Variants in LPP observed in about 807,000 individuals in gnomAD.
LPP encodes lipoma-preferred partner.
Under a neutral mutation model 60.4 loss-of-function variants are expected in LPP, and 38 were observed. The ratio of observed to expected loss-of-function variants is 0.63; its 90% confidence interval spans 0.49 to 0.83. The LOEUF (loss-of-function observed/expected upper bound fraction) is 0.83. Ranked by LOEUF, LPP falls within the 40% of genes least tolerant of loss-of-function variation. The pLI is 0.00. For synonymous variants in LPP, 328 were observed against 290.8 expected, an observed-to-expected ratio of 1.13 and a Z score of -1.30; for missense variants, 902 against 783.6, an observed-to-expected ratio of 1.15 and a Z score of -1.80.
At chr3:188,685,562 C>T (rs1366619466) in intron 7 of LPP, among the ~76,000 whole-genome samples, 6 of 152,142 alleles carry the variant, frequency 3.9e-5, no homozygotes, top group South Asian at 2.1e-4. Context: ...TAGGCAATTA[C>T]GGGTCCGGGA....
chr3:188,298,939 T>C (rs996404748), intron 2 of LPP, among the ~76,000 whole-genome samples: 4 of 152,170 alleles, frequency 2.6e-5, no homozygotes, highest in Non-Finnish European at 5.9e-5. Context: ...TCTATAGGCT[T>C]CAGCCTTTTT....
rs546953080 is a variant in LPP at position 188,884,148 on chromosome 3, G to A, written c.*9669G>A. ...AAACTGCTTCCACACAGAAAATAGCGCAGGGAGGACAGTTATTAGTACCCC... is the reference window on the plus strand; with the variant it reads ...AAACTGCTTCCACACAGAAAATAGCACAGGGAGGACAGTTATTAGTACCCC... On this transcript the variant is annotated 3_prime_UTR_variant, in exon 12 of 12. Coordinates refer to ENST00000617246, the MANE Select transcript of LPP (RefSeq NM_001375462.1). The A allele has an allele frequency of 1.8e-5, 4 of 225,300 alleles. No individual in the cohort carries two copies. Among genetic ancestry groups the A allele is most frequent in the Admixed American group, 5.7e-5 (1 of 17,502 alleles). 14.0% of individuals were successfully genotyped at this position (225,300 alleles called of 1,614,324 possible).
chr3:188,228,586 C>T (rs1718679594), intron 2 of LPP, among the ~76,000 whole-genome samples: 1 of 152,104 alleles, frequency 6.6e-6, no homozygotes, highest in Admixed American at 6.5e-5. Flanking sequence ...GATTTTGAGA[C>T]CAGCCTGGGC....
At chr3:188,775,890 G>A (rs1295307970) in intron 9 of LPP, among the ~76,000 whole-genome samples, 1 of 152,196 alleles carries the variant, frequency 6.6e-6, no homozygotes, top group African/African-American at 2.4e-5. Flanking sequence ...CCTATAAAGG[G>A]GAATTTAGGA....
intron 6 of LPP, among the ~76,000 whole-genome samples, chr3:188,549,608 C>T (rs931738449): frequency 6.6e-6 from 1 of 152,128 alleles, no homozygotes; most frequent in Non-Finnish European, 1.5e-5. Context: ...TAGCATTGTG[C>T]TTTATCTCCT....
chr3:188,439,063 C>T (rs1452541658), intron 4 of LPP, among the ~76,000 whole-genome samples: 2 of 152,176 alleles, frequency 1.3e-5, no homozygotes, highest in East Asian at 3.9e-4. Context: ...ATTGTTAAAA[C>T]ATGCAGGTAC....
intron 6 of LPP, among the ~76,000 whole-genome samples, chr3:188,605,533 G>A (rs1205595486): frequency 5.9e-5 from 9 of 152,086 alleles, no homozygotes; most frequent in Non-Finnish European, 1.2e-4. Flanking sequence ...TTGAGGATTT[G>A]GGCTTAGTAT....
At chr3:188,836,672 CAT>C (rs1758532981) in intron 9 of LPP, among the ~76,000 whole-genome samples, 1 of 152,172 alleles carries the variant, frequency 6.6e-6, no homozygotes, top group South Asian at 2.1e-4. Flanking sequence ...TTAATTGGTA[CAT>C]GTTTCTTATC....
intron 9 of LPP, among the ~76,000 whole-genome samples, chr3:188,854,132 C>G (rs754191880): frequency 2.6e-5 from 4 of 152,158 alleles, no homozygotes; most frequent in Non-Finnish European, 5.9e-5. Context: ...AGTCCACCAC[C>G]CTTTTGCAAC....
chr3:188,389,117 GTGTA>G (rs1779065718), intron 3 of LPP, among the ~76,000 whole-genome samples: 3 of 152,032 alleles, frequency 2.0e-5, no homozygotes, highest in African/African-American at 7.3e-5. Context: ...AGTTGTGTGT[GTGTA>G]TGTATGTGTG....
rs115758421 is a variant in LPP at position 188,534,528 on chromosome 3, G to A, written c.429+9741G>A. On this transcript the variant is annotated intron_variant, in intron 6 of 11. Transcript: ENST00000617246. ...TGTTTAAATATCTATTTTGGTGGTAGTGTTAGTATGAAACCCCATAGTTCC... is the reference window on the plus strand; with the variant it reads ...TGTTTAAATATCTATTTTGGTGGTAATGTTAGTATGAAACCCCATAGTTCC... 3.7e-3 allele frequency among the ~76,000 whole-genome samples: 558 copies of A among 152,276 alleles called. 1 individual carries two copies. Among genetic ancestry groups the A allele is most frequent in the African/African-American group, 0.013 (527 of 41,554 alleles).
intron 9 of LPP, among the ~76,000 whole-genome samples, chr3:188,842,854 C>T (rs1760381769): frequency 6.6e-6 from 1 of 152,124 alleles, no homozygotes; most frequent in African/African-American, 2.4e-5. Context: ...AGAAAGTTCC[C>T]TTAAGTTCCC....
intron 2 of LPP, among the ~76,000 whole-genome samples, chr3:188,279,187 G>C (rs1741068189): frequency 6.6e-6 from 1 of 152,202 alleles, no homozygotes; most frequent in Admixed American, 6.5e-5. Flanking sequence ...GCCATGGAAT[G>C]ACTGCAGCTA....
In LPP at chr3:188,882,612, T is replaced by G. The variant is rs897713235; in HGVS notation, c.*8133T>G. On this transcript the variant is annotated 3_prime_UTR_variant, in exon 12 of 12. Coordinates refer to ENST00000617246, the MANE Select transcript of LPP (RefSeq NM_001375462.1). ...AGCAAGGGTACATGTCCTTTGACCC[T>G]CCACAAAAGAACAAGCAGGACATCT... 4.5e-6 allele frequency: 1 copy of G among 222,138 alleles called. No homozygotes were observed. Among genetic ancestry groups the G allele is most frequent in the Non-Finnish European group, 9.0e-6 (1 of 111,298 alleles). 13.8% of individuals were successfully genotyped at this position (222,138 alleles called of 1,614,324 possible).
rs35389820 is a variant in LPP at position 188,509,873 on chromosome 3, G to GTTTTTT, written c.307-14780_307-14775dup. 1.5e-4 allele frequency among the ~76,000 whole-genome samples: 17 copies of GTTTTTT among 111,042 alleles called. 1 individual carries two copies. Among genetic ancestry groups the GTTTTTT allele is most frequent in the African/African-American group, 5.4e-4 (15 of 27,794 alleles). The allele number at this position is 111,042 out of a possible 152,430, so 72.8% of individuals were successfully genotyped here. A position where few individuals can be genotyped will look rare whatever the true frequency, so the allele number is the denominator to read the frequency against. On this transcript the variant is annotated intron_variant, in intron 5 of 11. Coordinates refer to ENST00000617246, the MANE Select transcript of LPP (RefSeq NM_001375462.1). ...ATGCCTGGCTAATTTTTTTTTTGTTGTTTTTTTTTTTTTTTTTGCATCTTT... is the reference window on the plus strand; with the variant it reads ...ATGCCTGGCTAATTTTTTTTTTGTTGTTTTTTTTTTTTTTTTTTTTTTTGCATCTTT...
intron 4 of LPP, among the ~76,000 whole-genome samples, chr3:188,469,883 T>C (rs1176605435): frequency 1.3e-5 from 2 of 152,156 alleles, no homozygotes; most frequent in African/African-American, 4.8e-5. Flanking sequence ...AAATAACTTA[T>C]ATTTATGTAG....
intron 4 of LPP, 57 bp downstream of exon 4, chr3:188,406,370 G>T: frequency 7.0e-7 from 1 of 1,431,122 alleles, no homozygotes; most frequent in Non-Finnish European, 9.7e-7. Context: ...AGTTATATAG[G>T]TGATTTGTAG....
chr3:188,524,137 A>G (rs1451706336), intron 5 of LPP, among the ~76,000 whole-genome samples: 2 of 152,124 alleles, frequency 1.3e-5, no homozygotes, highest in African/African-American at 2.4e-5. Context: ...TTCTAGGTGC[A>G]TCTCTTGGGT....
At chr3:188,385,838 A>T (rs181822225) in intron 3 of LPP, among the ~76,000 whole-genome samples, 1 of 152,302 alleles carries the variant, frequency 6.6e-6, no homozygotes, top group Non-Finnish European at 1.5e-5. Context: ...TAAAGTCTGC[A>T]TTAGAAATAT....
Sources: gnomAD v4.1 joint callset for allele counts (sites outside exome capture counted in the v4.1 genomes callset) on GRCh38, gnomAD v4.1.1 for gene constraint, MANE v1.5 for transcripts, NCBI Gene and HGNC (gene_info 2026-07-23, HGNC 2026-07-21) for gene names.